Variants in USF2 observed in about 807,000 individuals in gnomAD.
USF2 encodes the protein upstream stimulatory factor 2.
USF2 carries 16 observed loss-of-function variants against 46.9 expected under a neutral mutation model. The ratio of observed to expected loss-of-function variants is 0.34; its 90% confidence interval spans 0.23 to 0.52. The LOEUF (loss-of-function observed/expected upper bound fraction) is 0.52. Among genes scored for constraint, USF2 ranks in the 20% least tolerant of loss-of-function variants. USF2 has a pLI of 0.96. For missense variants in USF2, 411 were observed against 474.0 expected (o/e 0.87, Z 1.23); for synonymous variants, 239 against 194.1 (o/e 1.23, Z -1.92).
chr19:35,270,403 G>T (rs202197596), intron 4 of USF2, 44 bp from the exon 5 acceptor site: 20 of 1,588,762 alleles, frequency 1.3e-5, no homozygotes, highest in Non-Finnish European at 1.5e-5. Flanking sequence ...CGGGATGGAG[G>T]AACAGAGAAA....
Position 35,269,797 on chromosome 19 carries a change from C to T in USF2, c.229-6C>T, listed in dbSNP as rs1458982273. The T allele has an allele frequency of 6.7e-7, 1 of 1,492,714 alleles. No individual in the cohort carries two copies. 92.5% of individuals were successfully genotyped at this position (1,492,714 alleles called of 1,614,324 possible). A position where few individuals can be genotyped will look rare whatever the true frequency, so the allele number is the denominator to read the frequency against. ...GCCGGCCTCGCCGCTCTGCCGCCCC[C>T]TGCAGGTGACATACCGCGTAGTCCA... is the stretch of plus-strand genomic sequence containing the variant. On this transcript the variant is annotated splice_polypyrimidine_tract_variant and splice_region_variant and intron_variant, in intron 3 of 9. Transcript: ENST00000222305.
At chr19:35,269,771 C>G in intron 3 of USF2, 32 bp from the exon 4 acceptor site, 1 of 1,488,434 alleles carries the variant, frequency 6.7e-7, no homozygotes, top group Non-Finnish European at 8.9e-7. Flanking sequence ...CTGGCCCCAG[C>G]GCCGGCCTCG....
chr19:35,269,205 G>A (rs2066100728), intron 1 of USF2, 42 bp downstream of exon 1: 2 of 964,490 alleles, frequency 2.1e-6, no homozygotes, highest in Admixed American at 7.1e-5. Context: ...CCCCGGCCCC[G>A]GCCCCGGCCC....
intron 7 of USF2, 50 bp downstream of exon 7, chr19:35,271,191 C>T (rs1428181399): frequency 6.2e-7 from 1 of 1,609,572 alleles, no homozygotes; most frequent in Non-Finnish European, 8.5e-7. Context: ...CCCTCACAGG[C>T]TCAGCCAGCC....
At chr19:35,269,287 G>T in intron 1 of USF2, 124 bp downstream of exon 1, 1 of 899,558 alleles carries the variant, frequency 1.1e-6, no homozygotes, top group Non-Finnish European at 1.3e-6. Context: ...GGCCGCCGGC[G>T]CGGGGGGGAC....
Position 35,279,641 on chromosome 19 carries a change from C to T in USF2, c.*385C>T, listed in dbSNP as rs749865144. On this transcript the variant is annotated 3_prime_UTR_variant, in exon 10 of 10. Coordinates refer to ENST00000222305, the MANE Select transcript of USF2 (RefSeq NM_003367.4). ...GGAGGGGAGCCTTTGGGGGGCCACCCGGGGCCTGGACCTATGCAGGGAGGC... is the reference window on the plus strand; with the variant it reads ...GGAGGGGAGCCTTTGGGGGGCCACCTGGGGCCTGGACCTATGCAGGGAGGC... 2.6e-5 allele frequency: 6 copies of T among 229,974 alleles called. No homozygotes were observed. Among genetic ancestry groups the T allele is most frequent in the Admixed American group, 5.7e-5 (1 of 17,586 alleles). The allele number at this position is 229,974 out of a possible 1,614,324, so 14.2% of individuals were successfully genotyped here.
In USF2 at chr19:35,270,957, C is replaced by T. The variant is rs1269551335; in HGVS notation, c.669-126C>T. Reference sequence around the variant, plus strand: ...TGCTGCTCTAGTGCACATAAAGTATCATGTCTTTTGTTTTTGCAGATGGAT... The same window carrying T: ...TGCTGCTCTAGTGCACATAAAGTATTATGTCTTTTGTTTTTGCAGATGGAT... On this transcript the variant is annotated intron_variant, in intron 6 of 9. Transcript: ENST00000222305. 7.7e-6 allele frequency: 11 copies of T among 1,433,692 alleles called. No individual in the cohort carries two copies. In the African/African-American group the frequency reaches 1.4e-4, roughly 19 times the overall value. 88.8% of individuals were successfully genotyped at this position (1,433,692 alleles called of 1,614,324 possible).
intron 4 of USF2, 87 bp downstream of exon 4, chr19:35,270,090 C>T: frequency 7.6e-7 from 1 of 1,308,116 alleles, no homozygotes; most frequent in Non-Finnish European, 9.8e-7. Flanking sequence ...GGGGGTGGGG[C>T]AGGTGTCGCC....
At chr19:35,270,372 C>G (rs750521470) in intron 4 of USF2, 75 bp from the exon 5 acceptor site, 1 of 1,557,430 alleles carries the variant, frequency 6.4e-7, no homozygotes, top group Non-Finnish European at 8.7e-7. Context: ...GCAGTAAACC[C>G]CAAGCACAGC....
Position 35,279,594 on chromosome 19 carries a change from T to C in USF2, c.*338T>C, listed in dbSNP as rs762170834. ...GCTGCCTCCTGCTCTCTGGAGGTAC[T>C]GAGACAGGGTGCTGATGGGAAGGAG... On this transcript the variant is annotated 3_prime_UTR_variant, in exon 10 of 10. Transcript: ENST00000222305. 5 of 276,256 alleles carry C rather than the reference T, an allele frequency of 1.8e-5. No homozygotes were observed. The highest frequency in any genetic ancestry group is 2.7e-5 in the Non-Finnish European group (4 of 148,288). 17.1% of individuals were successfully genotyped at this position (276,256 alleles called of 1,614,324 possible).
At chr19:35,272,804 C>G (rs1157253912) in intron 7 of USF2, among the ~76,000 whole-genome samples, 1 of 151,964 alleles carries the variant, frequency 6.6e-6, no homozygotes, top group Non-Finnish European at 1.5e-5. Context: ...TGCTGAACTC[C>G]CCTCCATGCT....
At chr19:35,271,302 G>C (rs530185859) in intron 7 of USF2, among the ~76,000 whole-genome samples, 161 bp downstream of exon 7, 1 of 152,324 alleles carries the variant, frequency 6.6e-6, no homozygotes, top group South Asian at 2.1e-4. Flanking sequence ...TGAGCAACGA[G>C]GGGAGAGTAC....
rs764741174 is a variant in USF2, at chr19:35,272,890, C to T, written c.727+1749C>T. 2.1e-4 allele frequency among the ~76,000 whole-genome samples: 32 copies of T among 152,048 alleles called. 1 individual carries two copies. Among genetic ancestry groups the T allele is most frequent in the Non-Finnish European group, 3.8e-4 (26 of 67,986 alleles). ...AGGGGCCCCCAGAGCAGCCCCAGCC[C>T]CACGACTTACCTGTGGTGGGGCGTC... On this transcript the variant is annotated intron_variant, in intron 7 of 9. Transcript: ENST00000222305.
chr19:35,270,703 C>A lies in USF2; in HGVS notation c.581-15C>A. On this transcript the variant is annotated splice_polypyrimidine_tract_variant and intron_variant, in intron 5 of 9. Coordinates refer to ENST00000222305, the MANE Select transcript of USF2 (RefSeq NM_003367.4). ...TTCACCCTGCCTTGCCACTAACCCC[C>A]CACTCTCCCTGCAGGCCAGTTCTAC... The A allele has an allele frequency of 6.2e-7, 1 of 1,614,026 alleles. No homozygotes were observed. Among genetic ancestry groups the A allele is most frequent in the Non-Finnish European group, 8.5e-7 (1 of 1,179,964 alleles).
chr19:35,270,379 C>G, intron 4 of USF2, 68 bp from the exon 5 acceptor site: 1 of 1,562,628 alleles, frequency 6.4e-7, no homozygotes, highest in Non-Finnish European at 8.7e-7. Flanking sequence ...ACCCCAAGCA[C>G]AGCAATGAGG....
chr19:35,279,300 T>C lies in USF2; in HGVS notation c.*44T>C. Reference sequence around the variant, plus strand: ...AGCCGCCGCCGCCCACGCCGGCCTCTGCTGCCCCCTTCCCCAGCCCTTAGC... The same window carrying C: ...AGCCGCCGCCGCCCACGCCGGCCTCCGCTGCCCCCTTCCCCAGCCCTTAGC... On this transcript the variant is annotated 3_prime_UTR_variant, in exon 10 of 10. Transcript: ENST00000222305. 1 of 1,457,862 alleles carries C rather than the reference T, an allele frequency of 6.9e-7. No homozygotes were observed. Among genetic ancestry groups the C allele is most frequent in the Non-Finnish European group, 9.1e-7 (1 of 1,104,556 alleles). The allele number at this position is 1,457,862 out of a possible 1,614,324, so 90.3% of individuals were successfully genotyped here. A position where few individuals can be genotyped will look rare whatever the true frequency, so the allele number is the denominator to read the frequency against.
intron 7 of USF2, among the ~76,000 whole-genome samples, chr19:35,273,757 T>C (rs931315275): frequency 1.6e-4 from 24 of 152,162 alleles, no homozygotes; most frequent in Non-Finnish European, 2.9e-5. Flanking sequence ...GGTCTTGCTA[T>C]GCTGCCCAGG....
chr19:35,276,260 C>T (rs555813122), intron 7 of USF2, among the ~76,000 whole-genome samples: 6 of 151,990 alleles, frequency 3.9e-5, no homozygotes, highest in African/African-American at 9.6e-5. Flanking sequence ...TTAGTAGAGC[C>T]GGGGTTTCGC....
At chr19:35,278,311 A>G in intron 7 of USF2, 1 of 207,968 alleles carries the variant, frequency 4.8e-6, no homozygotes, top group South Asian at 7.0e-5. Context: ...GCCTTCCAGT[A>G]TGTGCCCACT....
Sources: allele counts gnomAD v4.1 joint callset (sites outside exome capture counted in the v4.1 genomes callset), GRCh38; gene constraint gnomAD v4.1.1; transcripts MANE v1.5; gene names NCBI Gene and HGNC (gene_info 2026-07-23, HGNC 2026-07-21).